Variants in CTNND2 observed in about 807,000 individuals in gnomAD.
CTNND2 encodes catenin delta-2.
Under a neutral mutation model 144.4 loss-of-function variants are expected in CTNND2, and 22 were observed. The observed-to-expected ratio is 0.15, with a 90% CI of 0.11 to 0.22. The LOEUF is 0.22. Among genes scored for constraint, CTNND2 ranks in the 10% least tolerant of loss-of-function variants. The pLI, the probability that CTNND2 is intolerant of heterozygous loss-of-function variation, is 1.00. For synonymous variants in CTNND2, 751 were observed against 695.6 expected, an observed-to-expected ratio of 1.08 and a Z score of -1.25; for missense variants, 1,353 against 1,618.8, an observed-to-expected ratio of 0.84 and a Z score of 2.82.
chr5:11,183,898 T>A (rs1439013385), intron 11 of CTNND2, among the ~76,000 whole-genome samples: 1 of 152,142 alleles, frequency 6.6e-6, no homozygotes. Flanking sequence ...TCGCTCATGC[T>A]GTCTCTCTCT....
At chr5:11,636,770 C>T (rs556656012) in intron 2 of CTNND2, among the ~76,000 whole-genome samples, 6 of 152,284 alleles carry the variant, frequency 3.9e-5, no homozygotes, top group South Asian at 2.1e-4. Context: ...TTTATCAATA[C>T]GCACAGAGAG....
At chr5:11,257,456 G>T (rs1167726162) in intron 9 of CTNND2, among the ~76,000 whole-genome samples, 1 of 152,144 alleles carries the variant, frequency 6.6e-6, no homozygotes, top group Non-Finnish European at 1.5e-5. Context: ...CTGCATCGCC[G>T]GGGAGGCCTC....
intron 1 of CTNND2, among the ~76,000 whole-genome samples, chr5:11,803,604 A>G (rs777311657): frequency 2.0e-5 from 3 of 152,208 alleles, no homozygotes; most frequent in Non-Finnish European, 2.9e-5. Flanking sequence ...ATATTAAGGA[A>G]GTGAACCCTC....
chr5:11,227,027 T>C (rs2149877254), intron 10 of CTNND2, among the ~76,000 whole-genome samples: 1 of 152,356 alleles, frequency 6.6e-6, no homozygotes, highest in Middle Eastern at 3.4e-3. Context: ...TGAATCTAGT[T>C]GTGTAAACAG....
intron 2 of CTNND2, among the ~76,000 whole-genome samples, chr5:11,713,278 A>C (rs1160081892): frequency 6.6e-6 from 1 of 152,132 alleles, no homozygotes; most frequent in Non-Finnish European, 1.5e-5. Flanking sequence ...GCACCTACCT[A>C]TATTAGAAAT....
At chr5:11,770,459 G>GGAAGGAAGGAAGGAAGGAAC (rs1561781682) in intron 1 of CTNND2, among the ~76,000 whole-genome samples, 2 of 140,548 alleles carry the variant, frequency 1.4e-5, no homozygotes, top group African/African-American at 6.1e-5. Flanking sequence ...AAGGAAGGAA[G>GGAAGGAAGGAAGGAAGGAAC]GAAGGGGTAG....
intron 8 of CTNND2, among the ~76,000 whole-genome samples, chr5:11,358,766 A>T (rs553234377): frequency 3.5e-4 from 40 of 115,360 alleles, no homozygotes; most frequent in African/African-American, 1.2e-3. Context: ...TTTTCTCTAC[A>T]TGTGTAACTA....
intron 3 of CTNND2, among the ~76,000 whole-genome samples, chr5:11,474,822 C>T (rs896068302): frequency 6.6e-6 from 1 of 152,206 alleles, no homozygotes; most frequent in African/African-American, 2.4e-5. Flanking sequence ...TGCTATTTTG[C>T]AGCACTTGTC....
At chr5:11,690,719 G>A (rs1403559510) in intron 2 of CTNND2, among the ~76,000 whole-genome samples, 20 of 135,704 alleles carry the variant, frequency 1.5e-4, no homozygotes, top group African/African-American at 5.8e-4. Context: ...GTCTGGCCTG[G>A]GCGACAGAGC....
At chr5:11,332,251 G>C (rs894342609) in intron 9 of CTNND2, among the ~76,000 whole-genome samples, 6 of 150,130 alleles carry the variant, frequency 4.0e-5, no homozygotes, top group Non-Finnish European at 8.9e-5. Context: ...CTCCACCCTG[G>C]GCAACAAGAG....
intron 2 of CTNND2, among the ~76,000 whole-genome samples, chr5:11,731,902 G>T (rs1473804429): frequency 6.6e-6 from 1 of 152,074 alleles, no homozygotes; most frequent in East Asian, 1.9e-4. Flanking sequence ...AGGAAATTTT[G>T]ATTATAAAGT....
At chr5:11,350,424 G>A (rs1755208739) in intron 8 of CTNND2, among the ~76,000 whole-genome samples, 1 of 151,760 alleles carries the variant, frequency 6.6e-6, no homozygotes, top group Non-Finnish European at 1.5e-5. Context: ...TTTAACCAGT[G>A]ATATCACTAC....
chr5:11,182,962 A>G (rs1194391140), intron 11 of CTNND2, among the ~76,000 whole-genome samples: 2 of 152,216 alleles, frequency 1.3e-5, no homozygotes, highest in Non-Finnish European at 2.9e-5. Flanking sequence ...AGCAAATTTT[A>G]GAGATATTCC....
intron 2 of CTNND2, among the ~76,000 whole-genome samples, chr5:11,711,984 C>T (rs1272195021): frequency 6.6e-6 from 1 of 152,212 alleles, no homozygotes; most frequent in Non-Finnish European, 1.5e-5. Flanking sequence ...AGTTCAAACA[C>T]TGACTTCTAG....
chr5:11,030,765 T>TG (rs1743372895), intron 16 of CTNND2, among the ~76,000 whole-genome samples: 1 of 150,918 alleles, frequency 6.6e-6, no homozygotes, highest in South Asian at 2.1e-4. Flanking sequence ...TTTTTTTTTT[T>TG]TTTTTTTTTT....
intron 3 of CTNND2, among the ~76,000 whole-genome samples, chr5:11,520,779 G>C (rs1026939626): frequency 4.6e-5 from 7 of 152,330 alleles, no homozygotes; most frequent in Admixed American, 4.6e-4. Flanking sequence ...TTTCTTAGCA[G>C]CTCTTGTGGA....
At chr5:11,237,121 G>A (rs1368444171) in intron 9 of CTNND2, among the ~76,000 whole-genome samples, 4 of 151,124 alleles carry the variant, frequency 2.6e-5, no homozygotes, top group Non-Finnish European at 4.4e-5. Flanking sequence ...CCGGGTTCAC[G>A]CCATTCTCCT....
At chr5:11,017,926 TC>T in intron 18 of CTNND2, 47 bp downstream of exon 18, 1 of 1,447,492 alleles carries the variant, frequency 6.9e-7, no homozygotes, top group East Asian at 2.3e-5. Context: ...CCTCTCAGGG[TC>T]CCGTGTTGAG....
chr5:11,900,666 G>A lies in CTNND2; in HGVS notation c.37+3151C>T, dbSNP rs1737782416. On this transcript the variant is annotated intron_variant, in intron 1 of 21. Transcript: ENST00000304623. ...TTTCACACACCAGAAGGCTATCAAA[G>A]TACTGTGGACAGGAGAACACCTTCA... 2.0e-5 allele frequency among the ~76,000 whole-genome samples: 3 copies of A among 152,176 alleles called. No individual in the cohort carries two copies. In the South Asian group the frequency reaches 6.2e-4, roughly 32 times the overall value.
Sources: gnomAD v4.1 joint callset for allele counts (sites outside exome capture counted in the v4.1 genomes callset) on GRCh38, gnomAD v4.1.1 for gene constraint, MANE v1.5 for transcripts, NCBI Gene and HGNC (gene_info 2026-07-23, HGNC 2026-07-21) for gene names.